Variants in PTPRM observed in about 807,000 individuals in gnomAD.
The protein encoded by PTPRM is receptor-type tyrosine-protein phosphatase mu.
PTPRM carries 47 observed loss-of-function variants against 186.7 expected under a neutral mutation model. The observed-to-expected ratio is 0.25, with a 90% confidence interval of 0.20 to 0.32. The LOEUF is 0.32. Among genes scored for constraint, PTPRM ranks in the 10% least tolerant of loss-of-function variants. The probability of loss-of-function intolerance (pLI) is 1.00; values close to 1 mark genes in which losing one functional copy is unlikely to be tolerated. For missense variants in PTPRM, 1,494 were observed against 1,865.0 expected (o/e 0.80, Z 3.66); for synonymous variants, 668 against 674.9 (o/e 0.99, Z 0.16).
intron 1 of PTPRM, among the ~76,000 whole-genome samples, chr18:7,773,555 T>C (rs1414515983): frequency 7.2e-6 from 1 of 139,346 alleles, no homozygotes; most frequent in Non-Finnish European, 1.5e-5. Flanking sequence ...TTACTTTCTT[T>C]TTTTTCTTTT....
chr18:8,222,934 A>G (rs907185660), intron 14 of PTPRM, among the ~76,000 whole-genome samples: 2 of 152,178 alleles, frequency 1.3e-5, no homozygotes, highest in African/African-American at 4.8e-5. Context: ...AAAAATAGAT[A>G]AATAATAGGC....
intron 4 of PTPRM, among the ~76,000 whole-genome samples, chr18:7,925,051 T>C (rs2051089514): frequency 6.6e-6 from 1 of 152,198 alleles, no homozygotes; most frequent in Non-Finnish European, 1.5e-5. Flanking sequence ...AATGGAAAAG[T>C]TTCTGGCACA....
intron 7 of PTPRM, among the ~76,000 whole-genome samples, chr18:7,991,175 T>C (rs1470062663): frequency 6.6e-6 from 1 of 152,198 alleles, no homozygotes; most frequent in Non-Finnish European, 1.5e-5. Flanking sequence ...AAAAATTCTC[T>C]TTACAAACAC....
chr18:8,161,407 C>A (rs938213743), intron 14 of PTPRM, among the ~76,000 whole-genome samples: 1 of 152,036 alleles, frequency 6.6e-6, no homozygotes, highest in African/African-American at 2.4e-5. Context: ...GTAGAGTTGA[C>A]CTGTGTATGG....
intron 17 of PTPRM, among the ~76,000 whole-genome samples, chr18:8,248,542 G>A (rs75136624): frequency 1.3e-5 from 2 of 152,162 alleles, no homozygotes; most frequent in African/African-American, 4.8e-5. Flanking sequence ...TCTGTCTAGT[G>A]TGATAGTCAT....
In PTPRM at chr18:7,954,373, G is replaced by T. The variant is rs886211962; in HGVS notation, c.839-748G>T. 3.3e-5 allele frequency among the ~76,000 whole-genome samples: 5 copies of T among 152,166 alleles called. No individual in the cohort carries two copies. The South Asian group carries it at 1.0e-3, about 32-fold the overall frequency. The stretch of plus-strand genomic sequence containing the variant: ...ACTACTGGAAGTTCCCTGAATGGCA[G>T]CAGTGGTGGACTTCATTATCCAGAA... On this transcript the variant is annotated intron_variant, in intron 6 of 32. Transcript: ENST00000580170.
At chr18:8,067,430 T>A (rs939392814) in intron 7 of PTPRM, among the ~76,000 whole-genome samples, 1 of 152,152 alleles carries the variant, frequency 6.6e-6, no homozygotes, top group Non-Finnish European at 1.5e-5. Context: ...ATATGAAAAA[T>A]TAATTTTGTA....
At chr18:8,091,677 T>C (rs374870188) in intron 11 of PTPRM, among the ~76,000 whole-genome samples, 1 of 151,416 alleles carries the variant, frequency 6.6e-6, no homozygotes, top group Non-Finnish European at 1.5e-5. Flanking sequence ...ATCTGTAGAA[T>C]AGATGGAAGA....
chr18:8,193,063 A>G (rs1244472483), intron 14 of PTPRM, among the ~76,000 whole-genome samples: 1 of 152,208 alleles, frequency 6.6e-6, no homozygotes, highest in East Asian at 1.9e-4. Flanking sequence ...CATTTTTCTT[A>G]GTTGTGATAA....
intron 2 of PTPRM, among the ~76,000 whole-genome samples, chr18:7,881,597 T>G (rs2048512423): frequency 6.6e-6 from 1 of 152,230 alleles, no homozygotes; most frequent in South Asian, 2.1e-4. Context: ...TCTAGTGGGT[T>G]CACCCTGCTC....
intron 32 of PTPRM, among the ~76,000 whole-genome samples, chr18:8,398,329 C>T (rs546589127): frequency 1.7e-4 from 26 of 152,204 alleles, no homozygotes; most frequent in African/African-American, 5.8e-4. Context: ...TATTTCTCAG[C>T]CTCTGTTCTA....
intron 1 of PTPRM, among the ~76,000 whole-genome samples, chr18:7,686,615 T>C (rs1368072571): frequency 6.6e-6 from 1 of 152,046 alleles, no homozygotes; most frequent in Non-Finnish European, 1.5e-5. Flanking sequence ...CAAAAATCAT[T>C]GTCTGTTATC....
At chr18:8,235,101 A>G (rs2094328919) in intron 14 of PTPRM, among the ~76,000 whole-genome samples, 1 of 152,094 alleles carries the variant, frequency 6.6e-6, no homozygotes, top group Admixed American at 6.6e-5. Flanking sequence ...TTTTAGAATG[A>G]GCTAGGAAGT....
chr18:7,815,294 C>T (rs1341198493), intron 2 of PTPRM: 3 of 152,230 alleles, frequency 2.0e-5, no homozygotes, highest in Admixed American at 6.5e-5. Context: ...CTCCCATTCT[C>T]CTCTGCCGCA....
At chr18:7,646,333 A>C (rs2038562159) in intron 1 of PTPRM, among the ~76,000 whole-genome samples, 1 of 152,204 alleles carries the variant, frequency 6.6e-6, no homozygotes, top group Admixed American at 6.5e-5. Flanking sequence ...GCCTTTGGGC[A>C]GGGGCATCCT....
chr18:7,838,057 C>G (rs967108255), intron 2 of PTPRM, among the ~76,000 whole-genome samples: 1 of 152,140 alleles, frequency 6.6e-6, no homozygotes, highest in Non-Finnish European at 1.5e-5. Context: ...GTGTATTAGT[C>G]TCTTCTCAGG....
At chr18:8,061,592 G>T (rs2088518927) in intron 7 of PTPRM, among the ~76,000 whole-genome samples, 1 of 97,466 alleles carries the variant, frequency 1.0e-5, no homozygotes, top group African/African-American at 4.5e-5. Flanking sequence ...GCAGCGGCTG[G>T]TACCGGTTGT....
chr18:7,820,252 G>A (rs671369), intron 2 of PTPRM, among the ~76,000 whole-genome samples: 106,513 of 152,000 alleles, frequency 0.7, 38,625 homozygotes, highest in East Asian at 0.94. Flanking sequence ...ACAGAGGTAC[G>A]TTAGTTCCTT....
chr18:7,952,396 A>C (rs1227590440), intron 6 of PTPRM, among the ~76,000 whole-genome samples: 1 of 152,102 alleles, frequency 6.6e-6, no homozygotes, highest in Non-Finnish European at 1.5e-5. Flanking sequence ...CTTTGGGAAA[A>C]TTTGTTGAAA....
Sources: gnomAD v4.1 joint callset for allele counts (sites outside exome capture counted in the v4.1 genomes callset) on GRCh38, gnomAD v4.1.1 for gene constraint, MANE v1.5 for transcripts, NCBI Gene and HGNC (gene_info 2026-07-23, HGNC 2026-07-21) for gene names.